The following SPOCK1 variants were observed in gnomAD, a reference collection of about 807,000 sequenced individuals.
The protein encoded by SPOCK1 is SPARC (osteonectin), cwcv and kazal like domains proteoglycan 1, also known as testican-1.
In SPOCK1, 23 loss-of-function variants were observed where a neutral mutation model predicts 55.3. The ratio of observed to expected loss-of-function variants is 0.42; its 90% CI spans 0.30 to 0.59. The LOEUF is 0.59. SPOCK1 is among the 20% of genes least tolerant of loss of function. The probability of loss-of-function intolerance (pLI) is 0.22; values close to 1 mark genes in which losing one functional copy is unlikely to be tolerated. For missense variants in SPOCK1, 499 were observed against 552.5 expected (o/e 0.90, Z 0.97); for synonymous variants, 226 against 221.0 (o/e 1.02, Z -0.20).
intron 5 of SPOCK1, among the ~76,000 whole-genome samples, chr5:137,102,802 G>C (rs1390846658): frequency 6.6e-6 from 1 of 152,198 alleles, no homozygotes; most frequent in Admixed American, 6.5e-5. Context: ...CAGGTTTACT[G>C]TGAGAGCTAG....
intron 2 of SPOCK1, among the ~76,000 whole-genome samples, chr5:137,441,226 G>T (rs117431692): frequency 6.6e-6 from 1 of 152,306 alleles, no homozygotes; most frequent in East Asian, 1.9e-4. Context: ...AATTTTCTCA[G>T]GCAATAGGAC....
chr5:137,399,950 A>C (rs1252886849), intron 2 of SPOCK1, among the ~76,000 whole-genome samples: 2 of 152,206 alleles, frequency 1.3e-5, no homozygotes, highest in Non-Finnish European at 2.9e-5. Context: ...TGGGAGAGTT[A>C]AACTTCTTTT....
chr5:137,419,436 T>G (rs1232083387), intron 2 of SPOCK1, among the ~76,000 whole-genome samples: 4 of 152,240 alleles, frequency 2.6e-5, no homozygotes, highest in African/African-American at 9.6e-5. Flanking sequence ...CCCATGAGCA[T>G]GGAATGTTCT....
intron 5 of SPOCK1, among the ~76,000 whole-genome samples, chr5:137,089,466 G>A (rs1461533487): frequency 6.6e-6 from 1 of 152,070 alleles, no homozygotes; most frequent in Non-Finnish European, 1.5e-5. Context: ...TGATAGCAGA[G>A]GGCCTTGGAG....
At chr5:137,197,197 A>T (rs1008953491) in intron 3 of SPOCK1, among the ~76,000 whole-genome samples, 1 of 152,318 alleles carries the variant, frequency 6.6e-6, no homozygotes, top group East Asian at 1.9e-4. Flanking sequence ...TCTGGAACTC[A>T]TATGTCCAGG....
intron 6 of SPOCK1, among the ~76,000 whole-genome samples, chr5:136,998,205 G>T (rs1333662272): frequency 4.6e-5 from 7 of 152,130 alleles, no homozygotes; most frequent in Admixed American, 3.3e-4. Flanking sequence ...AGATGCTTGT[G>T]ATATAAAGAA....
chr5:137,271,972 T>C (rs1301899464), intron 2 of SPOCK1, among the ~76,000 whole-genome samples: 1 of 152,222 alleles, frequency 6.6e-6, no homozygotes, highest in African/African-American at 2.4e-5. Context: ...GAGCCTCATT[T>C]GTCTTGACCA....
intron 3 of SPOCK1, among the ~76,000 whole-genome samples, chr5:137,248,253 C>A (rs1348076358): frequency 1.3e-5 from 2 of 152,156 alleles, no homozygotes; most frequent in South Asian, 2.1e-4. Flanking sequence ...AATCTTTACA[C>A]CCTACTACTT....
chr5:137,258,961 T>C (rs188454000), intron 3 of SPOCK1, among the ~76,000 whole-genome samples: 398 of 152,234 alleles, frequency 2.6e-3, no homozygotes, highest in Middle Eastern at 0.014. Context: ...CACAAACTCA[T>C]AGCCGACCCC....
intron 3 of SPOCK1, among the ~76,000 whole-genome samples, chr5:137,224,275 G>A (rs1242718593): frequency 1.3e-5 from 2 of 152,178 alleles, no homozygotes; most frequent in Non-Finnish European, 2.9e-5. Flanking sequence ...GTCCATCACT[G>A]GATGTCTCCA....
At chr5:137,332,909 G>A (rs1754278900) in intron 2 of SPOCK1, among the ~76,000 whole-genome samples, 2 of 152,122 alleles carry the variant, frequency 1.3e-5, no homozygotes, top group Admixed American at 1.3e-4. Flanking sequence ...ATGAGGGAGA[G>A]TCCAAGAGGG....
chr5:136,985,343 A>T, intron 8 of SPOCK1, 141 bp from the exon 9 acceptor site: 2 of 819,418 alleles, frequency 2.4e-6, no homozygotes, highest in Non-Finnish European at 4.1e-6. Flanking sequence ...ATGCAAGAAA[A>T]CAAATTCGGG....
Position 137,475,568 on chromosome 5 carries a change from C to CTTTATTTATTTA in SPOCK1, c.186+22793_186+22804dup, listed in dbSNP as rs34929130. 1.2e-3 allele frequency among the ~76,000 whole-genome samples: 185 copies of CTTTATTTATTTA among 150,106 alleles called. 1 individual carries two copies. In the Middle Eastern group the frequency reaches 0.014, roughly 11 times the overall value. ...ATAATTAATGTATCACCTAAAGTATCTTTATTTATTTATTTATTTATTTAT... is the reference window on the plus strand; with the variant it reads ...ATAATTAATGTATCACCTAAAGTATCTTTATTTATTTATTTATTTATTTATTTATTTATTTAT... On this transcript the variant is annotated intron_variant, in intron 2 of 10. Transcript: ENST00000394945.
intron 3 of SPOCK1, among the ~76,000 whole-genome samples, chr5:137,233,525 G>A (rs919581687): frequency 3.3e-5 from 5 of 151,946 alleles, no homozygotes; most frequent in East Asian, 1.9e-4. Context: ...CTCACCTGTC[G>A]CTCACCTCCT....
intron 2 of SPOCK1, among the ~76,000 whole-genome samples, chr5:137,465,806 ACAAGAGTCTTGGTCTT>A (rs1753606966): frequency 6.6e-6 from 1 of 152,228 alleles, no homozygotes; most frequent in South Asian, 2.1e-4. Context: ...AAAACAGACA[ACAAGAGTCTTGGTCTT>A]CCAAGATTTC....
intron 3 of SPOCK1, among the ~76,000 whole-genome samples, chr5:137,170,411 T>C (rs999613496): frequency 6.6e-6 from 1 of 152,184 alleles, no homozygotes; most frequent in Non-Finnish European, 1.5e-5. Context: ...GGTACTGCTA[T>C]GGACTGAATT....
chr5:137,146,818 C>G (rs542590365), intron 3 of SPOCK1, among the ~76,000 whole-genome samples: 1 of 152,152 alleles, frequency 6.6e-6, no homozygotes, highest in South Asian at 2.1e-4. Context: ...CCAAGTTCTC[C>G]GAGGCCAAAC....
At chr5:137,420,288 T>C (rs1417817527) in intron 2 of SPOCK1, among the ~76,000 whole-genome samples, 1 of 152,224 alleles carries the variant, frequency 6.6e-6, no homozygotes, top group Non-Finnish European at 1.5e-5. Flanking sequence ...CAGGCTTTGG[T>C]ATCAGGATGA....
chr5:137,187,448 C>T (rs1188332083), intron 3 of SPOCK1, among the ~76,000 whole-genome samples: 1 of 152,168 alleles, frequency 6.6e-6, no homozygotes, highest in Admixed American at 6.5e-5. Context: ...ATTCACCCTT[C>T]TACCCTCTAG....
Sources: gnomAD v4.1 joint callset for allele counts (sites outside exome capture counted in the v4.1 genomes callset) on GRCh38, gnomAD v4.1.1 for gene constraint, MANE v1.5 for transcripts, NCBI Gene and HGNC (gene_info 2026-07-23, HGNC 2026-07-21) for gene names.